The following PPM1H variants were observed in gnomAD, a reference collection of about 807,000 sequenced individuals.
PPM1H encodes the protein protein phosphatase, Mg2+/Mn2+ dependent 1H.
PPM1H carries 27 observed loss-of-function variants against 54.9 expected under a neutral mutation model. The ratio of observed to expected loss-of-function variants is 0.49; its 90% CI spans 0.36 to 0.68. The LOEUF (loss-of-function observed/expected upper bound fraction) is 0.68. Among genes scored for constraint, PPM1H ranks in the 30% least tolerant of loss-of-function variants. PPM1H has a pLI of 0.00. For synonymous variants in PPM1H, 305 were observed against 270.8 expected, an observed-to-expected ratio of 1.13 and a Z score of -1.24; for missense variants, 596 against 667.8, an observed-to-expected ratio of 0.89 and a Z score of 1.19.
intron 2 of PPM1H, among the ~76,000 whole-genome samples, chr12:62,810,410 T>C (rs1016447521): frequency 6.6e-6 from 1 of 152,204 alleles, no homozygotes; most frequent in African/African-American, 2.4e-5. Flanking sequence ...CATCTCTGGC[T>C]GTACTTGATT....
Position 62,688,888 on chromosome 12 carries a change from C to T in PPM1H, c.1245+811G>A, listed in dbSNP as rs149192365. Among the ~76,000 whole-genome samples the T allele has an allele frequency of 7.4e-3, 1,125 of 152,024 alleles. 16 individuals carry two copies. Among genetic ancestry groups the T allele is most frequent in the African/African-American group, 0.026 (1,063 of 41,470 alleles). ...GTGTGTGCCTGTAGTCCCAGCTACT[C>T]GGGAGGCTGAGACAGGAGAATCACT... On this transcript the variant is annotated intron_variant, in intron 8 of 9. Transcript: ENST00000228705.
intron 8 of PPM1H, among the ~76,000 whole-genome samples, chr12:62,675,955 C>T (rs2075983083): frequency 6.6e-6 from 1 of 152,216 alleles, no homozygotes; most frequent in Non-Finnish European, 1.5e-5. Flanking sequence ...AAGCCCAGAA[C>T]ATAGCTGTTC....
intron 3 of PPM1H, among the ~76,000 whole-genome samples, chr12:62,798,962 G>C (rs1010855347): frequency 6.6e-6 from 1 of 151,990 alleles, no homozygotes; most frequent in Non-Finnish European, 1.5e-5. Context: ...CCCTCTCAAG[G>C]CTCCTCCCAT....
intron 1 of PPM1H, among the ~76,000 whole-genome samples, chr12:62,879,154 C>G (rs1350153268): frequency 3.9e-5 from 6 of 152,200 alleles, no homozygotes; most frequent in Non-Finnish European, 7.3e-5. Flanking sequence ...CCCAATGAGT[C>G]ACCGTTTAGC....
rs529366923 is a variant in PPM1H, at chr12:62,711,643, G to A, written c.1073+8528C>T. On this transcript the variant is annotated intron_variant, in intron 6 of 9. Transcript: ENST00000228705. ...AAGCGCCGTGTGACTCTGCTTAAGCGTATGTGGATAATAGATATAAATGCT... is the reference window on the plus strand; with the variant it reads ...AAGCGCCGTGTGACTCTGCTTAAGCATATGTGGATAATAGATATAAATGCT... Among the ~76,000 whole-genome samples the A allele has an allele frequency of 7.2e-5, 11 of 152,278 alleles. No individual in the cohort carries two copies. In the East Asian group the frequency reaches 1.2e-3, roughly 16 times the overall value.
At chr12:62,783,697 C>T (rs1402647710) in intron 4 of PPM1H, among the ~76,000 whole-genome samples, 2 of 152,198 alleles carry the variant, frequency 1.3e-5, no homozygotes, top group East Asian at 1.9e-4. Context: ...GTATTTAATA[C>T]GTGCCTTGCA....
chr12:62,731,706 A>C (rs571756570), intron 5 of PPM1H, among the ~76,000 whole-genome samples: 3 of 152,336 alleles, frequency 2.0e-5, no homozygotes, highest in Admixed American at 1.3e-4. Context: ...AAACAGCTGC[A>C]AACTTGGATT....
intron 4 of PPM1H, among the ~76,000 whole-genome samples, chr12:62,757,006 G>C (rs1028265800): frequency 5.3e-5 from 8 of 152,104 alleles, no homozygotes; most frequent in African/African-American, 1.7e-4. Flanking sequence ...TGGTCCAGCT[G>C]GAAAATGAGG....
chr12:62,799,947 C>T (rs1381763642), intron 3 of PPM1H, among the ~76,000 whole-genome samples: 1 of 152,130 alleles, frequency 6.6e-6, no homozygotes, highest in African/African-American at 2.4e-5. Flanking sequence ...CTCAAACAAT[C>T]CTCCGGCCTC....
chr12:62,672,715 C>T (rs762877673), intron 8 of PPM1H, among the ~76,000 whole-genome samples: 40 of 152,278 alleles, frequency 2.6e-4, no homozygotes, highest in Non-Finnish European at 4.4e-4. Flanking sequence ...AATTCACAAC[C>T]GAAGAAAGCA....
intron 2 of PPM1H, among the ~76,000 whole-genome samples, chr12:62,805,024 C>T (rs2076798444): frequency 6.6e-6 from 1 of 152,082 alleles, no homozygotes; most frequent in Non-Finnish European, 1.5e-5. Flanking sequence ...TTTTAAAAAT[C>T]TTTTTGTTTT....
At chr12:62,884,122 G>A (rs189878404) in intron 1 of PPM1H, among the ~76,000 whole-genome samples, 124 of 151,856 alleles carry the variant, frequency 8.2e-4, no homozygotes, top group Non-Finnish European at 1.0e-3. Flanking sequence ...GGTGACCCCC[G>A]TCCCTGGCAA....
chr12:62,877,201 C>T (rs1326914873), intron 1 of PPM1H, among the ~76,000 whole-genome samples: 2 of 152,210 alleles, frequency 1.3e-5, no homozygotes, highest in Non-Finnish European at 2.9e-5. Context: ...GTATCCTCCT[C>T]CCAGGACTTA....
chr12:62,740,661 C>G (rs968270050), intron 4 of PPM1H, among the ~76,000 whole-genome samples: 7 of 152,220 alleles, frequency 4.6e-5, no homozygotes, highest in Non-Finnish European at 1.0e-4. Context: ...AAGAACCATG[C>G]CTGTCTTGAT....
At position 62,652,887 on chromosome 12, in the gene PPM1H, T is replaced by C. The variant is rs368627390; in HGVS notation, c.1398-4251A>G. 3.9e-5 allele frequency among the ~76,000 whole-genome samples: 6 copies of C among 151,930 alleles called. No homozygotes were observed. The South Asian group carries it at 6.2e-4, about 16-fold the overall frequency. ...TGCTTCTGGATTTAATTTCCTTCCA[T>C]TGAATTACATTTTTAGTAATTTTTT... On this transcript the variant is annotated intron_variant, in intron 9 of 9. Coordinates refer to ENST00000228705, the MANE Select transcript of PPM1H (RefSeq NM_020700.2).
chr12:62,675,176 T>G (rs1247033283), intron 8 of PPM1H, among the ~76,000 whole-genome samples: 1 of 152,100 alleles, frequency 6.6e-6, no homozygotes, highest in Admixed American at 6.6e-5. Flanking sequence ...TTTTTTGGAG[T>G]CTACAGACCA....
chr12:62,874,937 G>C (rs1870108455), intron 1 of PPM1H, among the ~76,000 whole-genome samples: 1 of 152,166 alleles, frequency 6.6e-6, no homozygotes, highest in South Asian at 2.1e-4. Flanking sequence ...GAGTGGAAGG[G>C]ACACATAGGA....
At chr12:62,851,310 GT>G (rs1415473998) in intron 1 of PPM1H, among the ~76,000 whole-genome samples, 1 of 152,186 alleles carries the variant, frequency 6.6e-6, no homozygotes, top group Non-Finnish European at 1.5e-5. Context: ...GCTATCACTG[GT>G]TAATTCTGAG....
intron 6 of PPM1H, among the ~76,000 whole-genome samples, chr12:62,703,088 C>T (rs1297860334): frequency 6.6e-6 from 1 of 152,216 alleles, no homozygotes; most frequent in Non-Finnish European, 1.5e-5. Context: ...CTATTAAGGT[C>T]TTCGGAGCCT....
Sources: allele counts gnomAD v4.1 joint callset (sites outside exome capture counted in the v4.1 genomes callset), GRCh38; gene constraint gnomAD v4.1.1; transcripts MANE v1.5; gene names NCBI Gene and HGNC (gene_info 2026-07-23, HGNC 2026-07-21).